The following ZSCAN25 variants were observed in gnomAD, a reference collection of about 807,000 sequenced individuals.
ZSCAN25 encodes the protein zinc finger and SCAN domain containing 25, also known as zinc finger and SCAN domain-containing protein 25.
A neutral mutation model predicts 38.7 loss-of-function variants in ZSCAN25; 27 were observed. The observed-to-expected ratio is 0.70, with a 90% CI of 0.51 to 0.96. The LOEUF is 0.96. ZSCAN25 is among the 40% of genes least tolerant of loss of function. The pLI is 0.00. For missense variants in ZSCAN25, 637 were observed against 705.9 expected (o/e 0.90, Z 1.11); for synonymous variants, 273 against 277.7 (o/e 0.98, Z 0.17).
At chr7:99,648,173 A>T in the ZSCAN25 span, 1 of 1,417,120 alleles carries the variant, frequency 7.1e-7, no homozygotes, top group Non-Finnish European at 9.3e-7. Context: ...GAATGTACAA[A>T]ATCACCAACT....
At chr7:99,710,636 T>C in the ZSCAN25 span, 1 of 1,593,952 alleles carries the variant, frequency 6.3e-7, no homozygotes, top group Admixed American at 1.7e-5. Flanking sequence ...ACAATCATGA[T>C]TATGCTTTTT....
At chr7:99,718,371 A>G in the ZSCAN25 span, among the ~76,000 whole-genome samples, 6 of 152,358 alleles carry the variant, frequency 3.9e-5, no homozygotes, top group Non-Finnish European at 8.8e-5. Flanking sequence ...CATGGATAGA[A>G]AAAAAGAAGA....
At chr7:99,729,561 C>T in the ZSCAN25 span, among the ~76,000 whole-genome samples, 1 of 152,184 alleles carries the variant, frequency 6.6e-6, no homozygotes, top group Admixed American at 6.5e-5. Context: ...CCTGAGGCAA[C>T]TGAAAACTGC....
At chr7:99,710,946 A>C in the ZSCAN25 span, 2 of 1,612,176 alleles carry the variant, frequency 1.2e-6, no homozygotes, top group Non-Finnish European at 1.7e-6. Flanking sequence ...AGGGCATCAC[A>C]GTTTAGATGA....
the ZSCAN25 span, chr7:99,720,469 C>T: frequency 6.3e-7 from 1 of 1,599,518 alleles, no homozygotes. Context: ...ACAGCTGGAG[C>T]CAAACCCAGG....
chr7:99,737,166 T>G, the ZSCAN25 span, among the ~76,000 whole-genome samples: 4 of 152,062 alleles, frequency 2.6e-5, no homozygotes, highest in Non-Finnish European at 4.4e-5. Context: ...CTATCCCCAG[T>G]TTACAGATGT....
At chr7:99,689,276 TA>T in the ZSCAN25 span, among the ~76,000 whole-genome samples, 1 of 151,916 alleles carries the variant, frequency 6.6e-6, no homozygotes, top group Non-Finnish European at 1.5e-5. Context: ...CTAGCAAGAC[TA>T]ATAAAGAAGA....
At chr7:99,722,412 TG>T in the ZSCAN25 span, 4 of 1,588,300 alleles carry the variant, frequency 2.5e-6, no homozygotes, top group South Asian at 4.5e-5. Flanking sequence ...TGCCTCTAAT[TG>T]GGGTTGAAAA....
intron 7 of ZSCAN25, among the ~76,000 whole-genome samples, chr7:99,625,382 T>C (rs1807382548): frequency 6.6e-6 from 1 of 152,150 alleles, no homozygotes; most frequent in Non-Finnish European, 1.5e-5. Context: ...GCTGTTCTGG[T>C]CACTATGAAG....
chr7:99,648,520 C>A, the ZSCAN25 span: 1 of 676,718 alleles, frequency 1.5e-6, no homozygotes, highest in Admixed American at 2.8e-5. Flanking sequence ...CGACTCTTAA[C>A]ACCATGTATC....
At chr7:99,726,848 A>G in the ZSCAN25 span, among the ~76,000 whole-genome samples, 1 of 152,084 alleles carries the variant, frequency 6.6e-6, no homozygotes, top group Non-Finnish European at 1.5e-5. Context: ...TTTCTTCTCC[A>G]TCCGTTACGT....
the ZSCAN25 span, among the ~76,000 whole-genome samples, chr7:99,645,240 C>T: frequency 1.4e-4 from 22 of 152,190 alleles, no homozygotes; most frequent in South Asian, 4.1e-4. Flanking sequence ...CTGCCCACCT[C>T]GGCTTCTGAA....
the ZSCAN25 span, among the ~76,000 whole-genome samples, chr7:99,724,780 C>T: frequency 1.3e-5 from 2 of 152,236 alleles, no homozygotes; most frequent in African/African-American, 2.4e-5. Flanking sequence ...TTTTCTCTAT[C>T]GACCTCTCCC....
the ZSCAN25 span, chr7:99,707,942 G>A: frequency 6.2e-7 from 1 of 1,613,916 alleles, no homozygotes; most frequent in Admixed American, 1.7e-5. Flanking sequence ...GTATATGTAA[G>A]GATCTATGTT....
the ZSCAN25 span, among the ~76,000 whole-genome samples, chr7:99,643,187 T>C: frequency 6.6e-6 from 1 of 152,174 alleles, no homozygotes; most frequent in Admixed American, 6.5e-5. Context: ...CTTCTGAACC[T>C]TTTATGGTTG....
chr7:99,652,751 T>C, the ZSCAN25 span: 3 of 1,613,878 alleles, frequency 1.9e-6, no homozygotes, highest in Non-Finnish European at 2.5e-6. Flanking sequence ...GTACTCCATC[T>C]GTACCACGGC....
chr7:99,677,138 G>T, the ZSCAN25 span: 6 of 981,810 alleles, frequency 6.1e-6, no homozygotes, highest in African/African-American at 1.0e-4. Context: ...TGGCAGGCCT[G>T]CCTGGAACTC....
the ZSCAN25 span, among the ~76,000 whole-genome samples, chr7:99,726,483 C>T: frequency 3.3e-3 from 502 of 152,302 alleles, 1 homozygote; most frequent in African/African-American, 0.012. Flanking sequence ...CTCAATATCT[C>T]CCTCCACAAC....
At chr7:99,655,064 C>A in the ZSCAN25 span, among the ~76,000 whole-genome samples, 1 of 152,204 alleles carries the variant, frequency 6.6e-6, no homozygotes, top group African/African-American at 2.4e-5. Flanking sequence ...TTTTGCTGTG[C>A]AGAAGCTCTT....
Sources: gnomAD v4.1 joint callset for allele counts (sites outside exome capture counted in the v4.1 genomes callset) on GRCh38, gnomAD v4.1.1 for gene constraint, MANE v1.5 for transcripts, NCBI Gene and HGNC (gene_info 2026-07-23, HGNC 2026-07-21) for gene names.